The following DMD variants were observed in gnomAD, a reference collection of about 807,000 sequenced individuals.
DMD encodes dystrophin.
In DMD, 63 loss-of-function variants were observed where a neutral mutation model predicts 330.1. That is an observed-to-expected ratio of 0.19 (90% CI 0.16 to 0.24). DMD has a LOEUF of 0.24. Among genes scored for constraint, DMD ranks in the 10% least tolerant of loss-of-function variants. DMD has a pLI of 1.00. For missense variants in DMD, 3,344 were observed against 2,684.1 expected (o/e 1.25, Z -5.43); for synonymous variants, 1,223 against 959.8 (o/e 1.27, Z -5.07).
chrX:32,743,436 G>C (rs1471398890), intron 7 of DMD, among the ~76,000 whole-genome samples: 1 of 111,104 alleles, frequency 9.0e-6, no homozygotes, highest in Non-Finnish European at 1.9e-5. Context: ...AAATCATAAA[G>C]ACAGGGTAAA....
chrX:32,665,250 G>T (rs2061229549), intron 9 of DMD, among the ~76,000 whole-genome samples: 1 of 111,789 alleles, frequency 8.9e-6, no homozygotes, highest in East Asian at 2.8e-4. Flanking sequence ...CTAGAGAAGT[G>T]TAGTGTACCG....
At chrX:31,315,990 G>C (rs991607753) in intron 62 of DMD, among the ~76,000 whole-genome samples, 1 of 112,224 alleles carries the variant, frequency 8.9e-6, no homozygotes, top group African/African-American at 3.2e-5. Flanking sequence ...CTGAAACAAA[G>C]CTAGAGCTGA....
At chrX:32,326,223 T>TTCTATTCTTCTTTGAA (rs2097649851) in intron 41 of DMD, among the ~76,000 whole-genome samples, 1 of 111,881 alleles carries the variant, frequency 8.9e-6, no homozygotes, top group South Asian at 3.7e-4. Flanking sequence ...TTACCCTGCA[T>TTCTATTCTTCTTTGAA]TCTATTCTTC....
chrX:31,293,765 AG>A (rs2053952691), intron 62 of DMD, among the ~76,000 whole-genome samples: 1 of 112,363 alleles, frequency 8.9e-6, no homozygotes, highest in African/African-American at 3.2e-5. Flanking sequence ...CTGCCAGTGC[AG>A]GGTAGATATT....
At chrX:32,674,511 C>G (rs1472559407) in intron 9 of DMD, among the ~76,000 whole-genome samples, 1 of 111,421 alleles carries the variant, frequency 9.0e-6, no homozygotes, top group East Asian at 2.8e-4. Flanking sequence ...TCTGATGGCA[C>G]AGTAGCCTGG....
chrX:32,200,725 G>A (rs1179112661), intron 44 of DMD, among the ~76,000 whole-genome samples: 1 of 111,091 alleles, frequency 9.0e-6, no homozygotes, highest in Non-Finnish European at 1.9e-5. Context: ...TGCAATAAAT[G>A]AGCATTTACT....
intron 29 of DMD, among the ~76,000 whole-genome samples, chrX:32,432,958 T>C (rs972791362): frequency 1.8e-5 from 2 of 111,832 alleles, no homozygotes; most frequent in Non-Finnish European, 3.8e-5. Flanking sequence ...TTTCAGTAAA[T>C]TTGCTATTTC....
In DMD at chrX:31,397,784, C is replaced by T. The variant is rs759332341; in HGVS notation, c.9084+46697G>A. Reference sequence around the variant, plus strand: ...GCAAGGATAACTAGTGAGAGATCCCCAACGGAGATGTGAAATTTGGAGAAA... The same window carrying T: ...GCAAGGATAACTAGTGAGAGATCCCTAACGGAGATGTGAAATTTGGAGAAA... On this transcript the variant is annotated intron_variant, in intron 60 of 78. Coordinates refer to ENST00000357033, the MANE Select transcript of DMD (RefSeq NM_004006.3). 4.5e-5 allele frequency among the ~76,000 whole-genome samples: 5 copies of T among 111,893 alleles called. No homozygotes were observed. The South Asian group carries it at 1.9e-3, about 42-fold the overall frequency.
chrX:32,866,468 T>G (rs1413442474), intron 2 of DMD, among the ~76,000 whole-genome samples: 1 of 111,218 alleles, frequency 9.0e-6, no homozygotes, highest in Non-Finnish European at 1.9e-5. Context: ...AAAATATTTT[T>G]AAAAGAGCCC....
chrX:31,711,576 T>C (rs1351879591), intron 52 of DMD, among the ~76,000 whole-genome samples: 2 of 111,551 alleles, frequency 1.8e-5, no homozygotes, highest in Non-Finnish European at 3.8e-5. Context: ...TTGTGAAGTT[T>C]CAAAGCATTA....
At chrX:32,399,966 T>C (rs755055933) in intron 30 of DMD, among the ~76,000 whole-genome samples, 2 of 111,684 alleles carry the variant, frequency 1.8e-5, no homozygotes, top group African/African-American at 3.3e-5. Flanking sequence ...TCCTGCCTAA[T>C]TGCCCTGGCC....
chrX:32,718,327 G>T (rs1250306450), intron 7 of DMD, among the ~76,000 whole-genome samples: 4 of 110,935 alleles, frequency 3.6e-5, no homozygotes, highest in African/African-American at 1.3e-4. Context: ...CTGGTTGTGT[G>T]AAAGCGTGTA....
At chrX:31,388,644 G>T (rs2060559828) in intron 60 of DMD, among the ~76,000 whole-genome samples, 1 of 112,085 alleles carries the variant, frequency 8.9e-6, no homozygotes, top group African/African-American at 3.2e-5. Flanking sequence ...GCTCATGCCT[G>T]TAATCCCAGC....
chrX:31,324,947 A>G (rs1388287950), intron 61 of DMD, among the ~76,000 whole-genome samples: 1 of 112,459 alleles, frequency 8.9e-6, no homozygotes, highest in Non-Finnish European at 1.9e-5. Context: ...GAGGGATCAA[A>G]TCACCCAACC....
chrX:32,235,606 C>T (rs2097184825), intron 43 of DMD, among the ~76,000 whole-genome samples: 1 of 111,360 alleles, frequency 9.0e-6, no homozygotes, highest in African/African-American at 3.3e-5. Flanking sequence ...GAAGTCTACC[C>T]ATTACAATTT....
chrX:31,181,222 C>T (rs373376680), intron 68 of DMD, among the ~76,000 whole-genome samples: 3 of 111,841 alleles, frequency 2.7e-5, no homozygotes, highest in African/African-American at 9.8e-5. Context: ...TTTGCTTTCT[C>T]AGATAAGAAC....
chrX:31,626,130 G>A (rs1021467010), intron 55 of DMD, among the ~76,000 whole-genome samples: 1 of 110,178 alleles, frequency 9.1e-6, no homozygotes, highest in African/African-American at 3.3e-5. Context: ...GATTACAGGC[G>A]CAGGTCACCA....
chrX:31,762,522 T>A (rs1449594662), intron 51 of DMD, among the ~76,000 whole-genome samples: 1 of 111,530 alleles, frequency 9.0e-6, no homozygotes, highest in Non-Finnish European at 1.9e-5. Context: ...TGAGTCGAGA[T>A]CGCGCCACTG....
chrX:32,387,352 G>A (rs1336821569), intron 32 of DMD, among the ~76,000 whole-genome samples: 6 of 110,651 alleles, frequency 5.4e-5, no homozygotes, highest in African/African-American at 1.6e-4. Flanking sequence ...ATATATGTAC[G>A]TGTGTGTATA....
Sources: allele counts gnomAD v4.1 joint callset (sites outside exome capture counted in the v4.1 genomes callset), GRCh38; gene constraint gnomAD v4.1.1; transcripts MANE v1.5; gene names NCBI Gene and HGNC (gene_info 2026-07-23, HGNC 2026-07-21).